UVRAG: variants seen among roughly 807,000 people sequenced by gnomAD.
UVRAG encodes the protein UV radiation resistance-associated gene protein.
UVRAG carries 19 observed loss-of-function variants against 78.0 expected under a neutral mutation model. The observed-to-expected ratio is 0.24, with a 90% CI of 0.17 to 0.36. The LOEUF (loss-of-function observed/expected upper bound fraction) is 0.36, where lower values mean the gene tolerates loss of function less well. Among genes scored for constraint, UVRAG ranks in the 10% least tolerant of loss-of-function variants. The probability of loss-of-function intolerance (pLI) is 1.00; values close to 1 mark genes in which losing one functional copy is unlikely to be tolerated. For synonymous variants in UVRAG, 323 were observed against 324.6 expected, an observed-to-expected ratio of 1.00 and a Z score of 0.05; for missense variants, 740 against 853.8, an observed-to-expected ratio of 0.87 and a Z score of 1.66.
intron 13 of UVRAG, among the ~76,000 whole-genome samples, chr11:76,086,355 C>A (rs889272383): frequency 6.6e-6 from 1 of 152,128 alleles, no homozygotes; most frequent in African/African-American, 2.4e-5. Context: ...CATGGAATAA[C>A]CTTGGACAGG....
intron 14 of UVRAG, 76 bp from the exon 15 acceptor site, chr11:76,140,634 TC>T: frequency 1.4e-6 from 2 of 1,379,500 alleles, no homozygotes; most frequent in Non-Finnish European, 2.0e-6. Context: ...AGTATGCTGT[TC>T]CCTGTCTCTG....
intron 14 of UVRAG, among the ~76,000 whole-genome samples, chr11:76,128,689 T>C (rs1372997190): frequency 6.6e-6 from 1 of 152,130 alleles, no homozygotes; most frequent in Non-Finnish European, 1.5e-5. Context: ...CCATCATAGC[T>C]CACTGCAACC....
intron 12 of UVRAG, among the ~76,000 whole-genome samples, chr11:76,058,786 T>C (rs1481228814): frequency 6.6e-6 from 1 of 152,150 alleles, no homozygotes; most frequent in Admixed American, 6.5e-5. Context: ...CAAAGGAGAA[T>C]CATTGAGTCC....
At chr11:76,021,400 TTTTC>T (rs1416932103) in intron 12 of UVRAG, among the ~76,000 whole-genome samples, 1 of 152,178 alleles carries the variant, frequency 6.6e-6, no homozygotes, top group Non-Finnish European at 1.5e-5. Flanking sequence ...TTTTACTGCA[TTTTC>T]TTTCTTCTTT....
intron 8 of UVRAG, among the ~76,000 whole-genome samples, chr11:76,001,247 A>G (rs750379546): frequency 8.5e-5 from 13 of 152,216 alleles, no homozygotes; most frequent in Non-Finnish European, 1.5e-4. Flanking sequence ...CCACGGGTCA[A>G]AGAAGAAATC....
chr11:75,815,270 G>T lies in UVRAG; in HGVS notation c.-138G>T. ...GGCGGCAGCGGCGGCAGCGGCGGCGGCTACTGTCTGGGCTGAGCAGTAGTG... is the reference window on the plus strand; with the variant it reads ...GGCGGCAGCGGCGGCAGCGGCGGCGTCTACTGTCTGGGCTGAGCAGTAGTG... On this transcript the variant is annotated 5_prime_UTR_variant, in exon 1 of 15. Coordinates refer to ENST00000356136, the MANE Select transcript of UVRAG (RefSeq NM_003369.4). 2.0e-6 allele frequency: 1 copy of T among 488,946 alleles called. No homozygotes were observed. The highest frequency in any genetic ancestry group is 3.4e-6 in the Non-Finnish European group (1 of 295,002). The allele number at this position is 488,946 out of a possible 1,614,324, so 30.3% of individuals were successfully genotyped here.
chr11:76,058,488 C>A (rs899392363), intron 12 of UVRAG, among the ~76,000 whole-genome samples: 6 of 142,148 alleles, frequency 4.2e-5, no homozygotes, highest in African/African-American at 7.9e-5. Context: ...GAGTCATGAT[C>A]ATGCCACTGC....
intron 14 of UVRAG, among the ~76,000 whole-genome samples, chr11:76,123,828 C>CG (rs1183206082): frequency 2.0e-5 from 3 of 152,090 alleles, no homozygotes; most frequent in African/African-American, 7.2e-5. Context: ...TGCAGTGGCT[C>CG]GATCTCAGCT....
At chr11:76,076,997 A>T (rs1951415917) in intron 13 of UVRAG, among the ~76,000 whole-genome samples, 2 of 150,380 alleles carry the variant, frequency 1.3e-5, no homozygotes. Flanking sequence ...AGCCTGGGCG[A>T]CATGGCAAAC....
intron 6 of UVRAG, among the ~76,000 whole-genome samples, chr11:75,919,734 T>G (rs928453024): frequency 2.2e-4 from 34 of 152,182 alleles, no homozygotes; most frequent in African/African-American, 7.7e-4. Context: ...GTGCACTGTC[T>G]TAGTTTTTAA....
intron 7 of UVRAG, among the ~76,000 whole-genome samples, chr11:75,973,299 TC>T (rs1440709987): frequency 6.6e-6 from 1 of 152,242 alleles, no homozygotes. Flanking sequence ...ATATGTATGA[TC>T]ATACCATTTT....
chr11:75,920,927 A>G (rs1947967901), intron 6 of UVRAG, among the ~76,000 whole-genome samples: 2 of 152,226 alleles, frequency 1.3e-5, no homozygotes, highest in South Asian at 4.1e-4. Context: ...GTGAGGCTAT[A>G]TCATATTTAT....
At chr11:76,043,649 G>A (rs1950693429) in intron 12 of UVRAG, among the ~76,000 whole-genome samples, 1 of 152,170 alleles carries the variant, frequency 6.6e-6, no homozygotes, top group Non-Finnish European at 1.5e-5. Flanking sequence ...CCATCATTTA[G>A]CTAAGTAAAA....
At chr11:75,897,871 A>ATTTTTTTTTTTTTTTTTTTT (rs146122619) in intron 5 of UVRAG, among the ~76,000 whole-genome samples, 2 of 108,888 alleles carry the variant, frequency 1.8e-5, no homozygotes, top group African/African-American at 4.0e-5. Flanking sequence ...TAGCTCTTTA[A>ATTTTTTTTTTTTTTTTTTTT]TTTTTTTTTT....
At chr11:76,019,360 T>C (rs957963954) in intron 12 of UVRAG, among the ~76,000 whole-genome samples, 1 of 152,208 alleles carries the variant, frequency 6.6e-6, no homozygotes, top group Non-Finnish European at 1.5e-5. Context: ...TTTAGTTAAT[T>C]TGGGGAGGTC....
intron 5 of UVRAG, among the ~76,000 whole-genome samples, chr11:75,910,511 AGAAACAT>A (rs1241385737): frequency 6.7e-6 from 1 of 149,268 alleles, no homozygotes; most frequent in Non-Finnish European, 1.5e-5. Context: ...TTTTTTTTTA[AGAAACAT>A]GACTATTTAT....
intron 14 of UVRAG, among the ~76,000 whole-genome samples, chr11:76,129,958 C>G (rs1262715247): frequency 6.6e-6 from 1 of 152,148 alleles, no homozygotes; most frequent in African/African-American, 2.4e-5. Context: ...CGCTTTCTCT[C>G]TCTCTCTTCT....
rs191047090 is a variant in UVRAG at position 75,999,429 on chromosome 11, C to T, written c.827-4576C>T. Among the ~76,000 whole-genome samples the T allele has an allele frequency of 4.6e-3, 692 of 152,012 alleles. 2 individuals carry two copies. The highest frequency in any genetic ancestry group is 0.016 in the African/African-American group (661 of 41,474). On this transcript the variant is annotated intron_variant, in intron 8 of 14. Coordinates refer to ENST00000356136, the MANE Select transcript of UVRAG (RefSeq NM_003369.4). ...ACAGAGTCTCACTCTGTCACCCAGG[C>T]TGGAGTGCAGTGGTGCAATCTCGGC...
chr11:75,958,964 T>C (rs1053954595), intron 6 of UVRAG, among the ~76,000 whole-genome samples: 1 of 152,162 alleles, frequency 6.6e-6, no homozygotes, highest in African/African-American at 2.4e-5. Context: ...AACAATAATA[T>C]TTTGAAAGAA....
Sources: allele counts gnomAD v4.1 joint callset (sites outside exome capture counted in the v4.1 genomes callset), GRCh38; gene constraint gnomAD v4.1.1; transcripts MANE v1.5; gene names NCBI Gene and HGNC (gene_info 2026-07-23, HGNC 2026-07-21).